MACROD2: variants seen among roughly 807,000 people sequenced by gnomAD.
MACROD2 encodes the protein ADP-ribose glycohydrolase MACROD2.
Under a neutral mutation model 70.4 loss-of-function variants are expected in MACROD2, and 36 were observed. That is an observed-to-expected ratio of 0.51 (90% confidence interval 0.39 to 0.68). The LOEUF is 0.68. Ranked by LOEUF, MACROD2 falls within the 30% of genes least tolerant of loss-of-function variation. MACROD2 has a pLI of 0.00. For missense variants in MACROD2, 496 were observed against 538.4 expected (o/e 0.92, Z 0.78); for synonymous variants, 172 against 178.8 (o/e 0.96, Z 0.30).
At chr20:14,046,758 A>T (rs532777340) in intron 2 of MACROD2, among the ~76,000 whole-genome samples, 7 of 126,920 alleles carry the variant, frequency 5.5e-5, no homozygotes, top group Non-Finnish European at 1.2e-4. Flanking sequence ...TTTATTTATT[A>T]AGCTGTTTGT....
chr20:14,347,030 G>A (rs978312982), intron 3 of MACROD2, among the ~76,000 whole-genome samples: 8 of 152,172 alleles, frequency 5.3e-5, no homozygotes, highest in South Asian at 2.1e-4. Flanking sequence ...AAACTTTTTC[G>A]TGGTCTGTGG....
At chr20:14,307,417 A>G (rs1474047646) in intron 3 of MACROD2, among the ~76,000 whole-genome samples, 3 of 152,010 alleles carry the variant, frequency 2.0e-5, no homozygotes, top group Non-Finnish European at 4.4e-5. Flanking sequence ...ACATTGGAGG[A>G]TGTTATGGAC....
At chr20:14,299,037 G>C (rs963574716) in intron 3 of MACROD2, among the ~76,000 whole-genome samples, 2 of 152,148 alleles carry the variant, frequency 1.3e-5, no homozygotes, top group Non-Finnish European at 2.9e-5. Flanking sequence ...AAACTTAGTT[G>C]ATAAAACAGT....
intron 8 of MACROD2, among the ~76,000 whole-genome samples, chr20:15,603,720 C>T (rs1359095317): frequency 6.6e-6 from 1 of 152,016 alleles, no homozygotes; most frequent in East Asian, 1.9e-4. Context: ...CACTAGTTAG[C>T]ATAAAAGGAA....
intron 5 of MACROD2, among the ~76,000 whole-genome samples, chr20:14,837,892 T>C (rs16995072): frequency 2.0e-5 from 3 of 151,486 alleles, no homozygotes; most frequent in African/African-American, 7.3e-5. Context: ...CAATGATACA[T>C]TCCACATTCC....
chr20:14,029,202 A>C (rs529980266), intron 2 of MACROD2, among the ~76,000 whole-genome samples: 1 of 152,252 alleles, frequency 6.6e-6, no homozygotes, highest in Admixed American at 6.5e-5. Flanking sequence ...TTATACAGGC[A>C]GAGAGAACTG....
At chr20:15,947,975 C>T (rs920520889) in intron 12 of MACROD2, among the ~76,000 whole-genome samples, 4 of 151,938 alleles carry the variant, frequency 2.6e-5, no homozygotes, top group African/African-American at 9.7e-5. Context: ...GAAATCTCAA[C>T]TGCATGACCC....
chr20:14,852,565 C>T (rs2073210643), intron 5 of MACROD2, among the ~76,000 whole-genome samples: 1 of 152,094 alleles, frequency 6.6e-6, no homozygotes, highest in South Asian at 2.1e-4. Context: ...CCTCTGGTAA[C>T]ATCTGATAAG....
chr20:14,246,624 G>A (rs1412851703), intron 3 of MACROD2, among the ~76,000 whole-genome samples: 1 of 152,122 alleles, frequency 6.6e-6, no homozygotes, highest in African/African-American at 2.4e-5. Context: ...AGATATTAAG[G>A]ATACAAGGGT....
rs567769816 is a variant in MACROD2, at chr20:16,048,925, T to C, written c.1301-905T>C. 7.0e-4 allele frequency among the ~76,000 whole-genome samples: 106 copies of C among 152,182 alleles called. 1 individual carries two copies. The highest frequency in any genetic ancestry group is 1.2e-3 in the South Asian group (6 of 4,822). On this transcript the variant is annotated intron_variant, in intron 17 of 17. Transcript: ENST00000684519. Reference sequence around the variant, plus strand: ...ACACAAATGTCTCGCAGCAAGAAAATGAACTTTAAAAAGTGACATATACAT... The same window carrying C: ...ACACAAATGTCTCGCAGCAAGAAAACGAACTTTAAAAAGTGACATATACAT...
chr20:14,666,804 G>A (rs2070741252), intron 4 of MACROD2, among the ~76,000 whole-genome samples: 3 of 151,846 alleles, frequency 2.0e-5, no homozygotes, highest in Admixed American at 1.3e-4. Context: ...AGCTGTGGAA[G>A]CAGGATTGCT....
At chr20:16,023,214 G>A (rs896905191) in intron 15 of MACROD2, among the ~76,000 whole-genome samples, 3 of 151,532 alleles carry the variant, frequency 2.0e-5, no homozygotes, top group African/African-American at 7.3e-5. Flanking sequence ...GGTGGCTCAC[G>A]CCTGTAATCT....
At chr20:15,164,533 G>GT (rs1209698373) in intron 5 of MACROD2, among the ~76,000 whole-genome samples, 1 of 152,150 alleles carries the variant, frequency 6.6e-6, no homozygotes, top group African/African-American at 2.4e-5. Context: ...CAATCAAGGT[G>GT]TATGTTTAAT....
intron 2 of MACROD2, among the ~76,000 whole-genome samples, chr20:14,011,628 A>G (rs898351009): frequency 7.9e-5 from 12 of 151,170 alleles, no homozygotes; most frequent in Non-Finnish European, 1.5e-4. Flanking sequence ...TCCCGGGTTC[A>G]TGCCATTCTC....
At chr20:14,655,358 T>TGTG (rs1269478369) in intron 4 of MACROD2, among the ~76,000 whole-genome samples, 2 of 148,506 alleles carry the variant, frequency 1.3e-5, no homozygotes, top group African/African-American at 5.0e-5. Context: ...TGTGTGTGTG[T>TGTG]TTTGAGGGTG....
chr20:15,946,346 C>A (rs867597948), intron 12 of MACROD2, among the ~76,000 whole-genome samples: 1 of 152,124 alleles, frequency 6.6e-6, no homozygotes, highest in African/African-American at 2.4e-5. Context: ...CTCCATCCTT[C>A]CCTCCCTCCC....
intron 8 of MACROD2, among the ~76,000 whole-genome samples, chr20:15,602,442 A>G (rs1361887559): frequency 6.7e-6 from 1 of 148,874 alleles, no homozygotes. Context: ...GTTGATCTCA[A>G]GAGCGCTTCC....
chr20:15,988,765 T>C (rs1212137917), intron 15 of MACROD2, among the ~76,000 whole-genome samples: 3 of 152,198 alleles, frequency 2.0e-5, no homozygotes, highest in African/African-American at 7.2e-5. Flanking sequence ...TGACTAATGC[T>C]GGTAGTCTTG....
intron 5 of MACROD2, among the ~76,000 whole-genome samples, chr20:14,798,052 A>G (rs1038939732): frequency 6.6e-6 from 1 of 152,126 alleles, no homozygotes; most frequent in African/African-American, 2.4e-5. Context: ...TGAACTTACT[A>G]TATATAGATT....
Sources: allele counts gnomAD v4.1 joint callset (sites outside exome capture counted in the v4.1 genomes callset), GRCh38; gene constraint gnomAD v4.1.1; transcripts MANE v1.5; gene names NCBI Gene and HGNC (gene_info 2026-07-23, HGNC 2026-07-21).